COG2: variants seen among roughly 807,000 people sequenced by gnomAD.
COG2 encodes conserved oligomeric Golgi complex subunit 2.
In COG2, 52 loss-of-function variants were observed where a neutral mutation model predicts 90.6. The ratio of observed to expected loss-of-function variants is 0.57; its 90% confidence interval spans 0.46 to 0.72. COG2 has a LOEUF of 0.72. COG2 is among the 30% of genes least tolerant of loss of function. COG2 has a pLI of 0.00. For missense variants in COG2, 829 were observed against 891.2 expected (o/e 0.93, Z 0.89); for synonymous variants, 337 against 320.4 (o/e 1.05, Z -0.55).
intron 9 of COG2, 186 bp from the exon 10 acceptor site, chr1:230,678,727 C>T: frequency 6.7e-7 from 1 of 1,500,542 alleles, no homozygotes; most frequent in Non-Finnish European, 8.9e-7. Flanking sequence ...ATCACAGAAC[C>T]ACTTTGGGCA....
intron 5 of COG2, among the ~76,000 whole-genome samples, chr1:230,668,227 T>C (rs1218308938): frequency 2.7e-5 from 4 of 145,608 alleles, no homozygotes; most frequent in African/African-American, 1.0e-4. Flanking sequence ...AGAAATGAGA[T>C]GGAAAGAAAA....
intron 10 of COG2, chr1:230,681,925 A>G (rs1314976316): frequency 6.6e-6 from 1 of 152,248 alleles, no homozygotes; most frequent in Non-Finnish European, 1.5e-5. Context: ...TGTGAAGTGC[A>G]GGGATCAAGG....
At chr1:230,679,160 A>G (rs1276971676) in intron 10 of COG2, 108 bp downstream of exon 10, 33 of 1,116,646 alleles carry the variant, frequency 3.0e-5, no homozygotes, top group Non-Finnish European at 3.7e-5. Context: ...GATCATCATA[A>G]TAAGCTTTGG....
At chr1:230,684,129 A>G (rs1460025928) in intron 11 of COG2, among the ~76,000 whole-genome samples, 1 of 152,086 alleles carries the variant, frequency 6.6e-6, no homozygotes, top group Non-Finnish European at 1.5e-5. Context: ...TAAACCAAAT[A>G]GTTTTGGTGT....
intron 12 of COG2, among the ~76,000 whole-genome samples, chr1:230,686,612 T>C (rs910658167): frequency 1.3e-5 from 2 of 152,212 alleles, no homozygotes; most frequent in Non-Finnish European, 1.5e-5. Flanking sequence ...ATATAATTGA[T>C]TTTTTTAAAA....
rs138638351 is a variant in COG2, at chr1:230,687,738, T to C, written c.1579-333T>C. ...TTTTGTGGTGCTTGAATAAATACTG[T>C]TTTGAATTTTAAAATTTGTATGTTT... On this transcript the variant is annotated intron_variant, in intron 13 of 17. Transcript: ENST00000366669. 5.1e-3 allele frequency among the ~76,000 whole-genome samples: 781 copies of C among 152,318 alleles called. 6 individuals are homozygous for C. Among genetic ancestry groups the C allele is most frequent in the African/African-American group, 0.018 (749 of 41,560 alleles).
At chr1:230,689,578 C>T (rs893062694) in intron 15 of COG2, among the ~76,000 whole-genome samples, 2 of 152,254 alleles carry the variant, frequency 1.3e-5, no homozygotes, top group African/African-American at 4.8e-5. Flanking sequence ...GTCTAGTGAT[C>T]AGCAGCATTC....
At chr1:230,642,857 T>C (rs988573940) in intron 1 of COG2, 179 bp downstream of exon 1, 2 of 592,528 alleles carry the variant, frequency 3.4e-6, no homozygotes, top group East Asian at 6.3e-5. Flanking sequence ...GGGTGCAGCC[T>C]GGAGAAAGCA....
At chr1:230,691,323 A>C (rs1014348890) in intron 16 of COG2, 61 bp from the exon 17 acceptor site, 9 of 1,417,264 alleles carry the variant, frequency 6.4e-6, no homozygotes, top group South Asian at 1.5e-5. Flanking sequence ...AAAGCCAGTT[A>C]CTCTATTTGG....
At chr1:230,647,261 TA>T (rs1661810704) in intron 1 of COG2, among the ~76,000 whole-genome samples, 1 of 152,202 alleles carries the variant, frequency 6.6e-6, no homozygotes, top group Admixed American at 6.5e-5. Flanking sequence ...TAGAGTTGGG[TA>T]CTATCTGTGG....
At chr1:230,652,107 C>T (rs1661928360) in intron 1 of COG2, among the ~76,000 whole-genome samples, 1 of 152,158 alleles carries the variant, frequency 6.6e-6, no homozygotes, top group Non-Finnish European at 1.5e-5. Flanking sequence ...GTCATGTATC[C>T]ACTATTACAG....
At chr1:230,647,118 A>AGT (rs1661807445) in intron 1 of COG2, among the ~76,000 whole-genome samples, 1 of 152,160 alleles carries the variant, frequency 6.6e-6, no homozygotes, top group Admixed American at 6.5e-5. Context: ...TGCCACCTGT[A>AGT]TACACCATGA....
intron 1 of COG2, among the ~76,000 whole-genome samples, chr1:230,654,386 G>A (rs1306554465): frequency 6.6e-6 from 1 of 152,086 alleles, no homozygotes; most frequent in Non-Finnish European, 1.5e-5. Context: ...TTTCCCCATT[G>A]TTTGTGTCAG....
intron 1 of COG2, among the ~76,000 whole-genome samples, chr1:230,653,013 G>A (rs76066759): frequency 0.06 from 9,090 of 151,868 alleles, 566 homozygotes; most frequent in African/African-American, 0.16. Flanking sequence ...TAGTGAGAAC[G>A]CTTAAGATCT....
intron 6 of COG2, 22 bp from the exon 7 acceptor site, chr1:230,669,331 TTTA>T: frequency 6.3e-7 from 1 of 1,584,966 alleles, no homozygotes; most frequent in Non-Finnish European, 8.6e-7. Context: ...GAGCTTTTTT[TTTA>T]TTTACCCACC....
intron 8 of COG2, 137 bp from the exon 9 acceptor site, chr1:230,674,861 A>C: frequency 1.5e-6 from 1 of 656,112 alleles, no homozygotes; most frequent in South Asian, 3.2e-5. Context: ...AAACAAACTA[A>C]ATTACAAATA....
chr1:230,644,415 G>A (rs958177345), intron 1 of COG2, among the ~76,000 whole-genome samples: 1 of 152,206 alleles, frequency 6.6e-6, no homozygotes, highest in African/African-American at 2.4e-5. Context: ...AAGGATGGTT[G>A]GAACACTTGT....
chr1:230,663,915 GGT>G (rs1662250570), intron 4 of COG2, among the ~76,000 whole-genome samples: 1 of 152,086 alleles, frequency 6.6e-6, no homozygotes, highest in Admixed American at 6.5e-5. Flanking sequence ...GGCCAGGTGT[GGT>G]GGCTCACACC....
rs762727418 is a variant in COG2, at chr1:230,678,734, G to A, written c.1027-179G>A. 9.9e-6 allele frequency: 15 copies of A among 1,507,828 alleles called. No individual in the cohort carries two copies. The South Asian group carries it at 1.8e-4, about 18-fold the overall frequency. 93.4% of individuals were successfully genotyped at this position (1,507,828 alleles called of 1,614,324 possible). A position where few individuals can be genotyped will look rare whatever the true frequency, so the allele number is the denominator to read the frequency against. On this transcript the variant is annotated intron_variant, in intron 9 of 17. Transcript: ENST00000366669. Reference sequence around the variant, plus strand: ...GAAGACATATCACAGAACCACTTTGGGCATTTATGTATCTTTAAATGGGGA... The same window carrying A: ...GAAGACATATCACAGAACCACTTTGAGCATTTATGTATCTTTAAATGGGGA...
Sources: allele counts gnomAD v4.1 joint callset (sites outside exome capture counted in the v4.1 genomes callset), GRCh38; gene constraint gnomAD v4.1.1; transcripts MANE v1.5; gene names NCBI Gene and HGNC (gene_info 2026-07-23, HGNC 2026-07-21).